Variants in AMOTL1 observed in about 807,000 individuals in gnomAD.
AMOTL1 encodes the protein angiomotin like 1, also known as angiomotin-like protein 1.
A neutral mutation model predicts 102.9 loss-of-function variants in AMOTL1; 45 were observed. That is an observed-to-expected ratio of 0.44 (90% CI 0.34 to 0.56). AMOTL1 has a LOEUF of 0.56. Ranked by LOEUF, AMOTL1 falls within the 20% of genes least tolerant of loss-of-function variation. The pLI is 0.01. For synonymous variants in AMOTL1, 481 were observed against 484.7 expected (o/e 0.99, Z 0.10); for missense variants, 1,114 against 1,225.6 (o/e 0.91, Z 1.36).
At position 94,850,119 on chromosome 11, in the gene AMOTL1, G is replaced by T; in HGVS notation, c.1654G>T (p.Glu552Ter). ...AEGHYASQNK[E>*]FLKEKEKLEM... ...TGTTCGTGTTTCCCTTCTAGACAAA[G>T]AATTCTTGAAGGAAAAGGAGAAATT... is the stretch of plus-strand genomic sequence containing the variant. The change falls in exon 7 of 13, where the codon GAA becomes TAA. Residue 552 changes from glutamate to a stop codon, truncating the protein, a stop_gained. Coordinates refer to ENST00000433060, the MANE Select transcript of AMOTL1 (RefSeq NM_130847.3). LOFTEE classifies it high-confidence loss of function. 6.3e-7 allele frequency: 1 copy of T among 1,578,942 alleles called. No individual in the cohort carries two copies. Among genetic ancestry groups the T allele is most frequent in the South Asian group, 1.2e-5 (1 of 85,918 alleles).
chr11:94,855,981 G>T (rs1379572223), intron 8 of AMOTL1, among the ~76,000 whole-genome samples: 1 of 152,224 alleles, frequency 6.6e-6, no homozygotes, highest in Admixed American at 6.5e-5. Context: ...GTGTATGGCT[G>T]ACATGAGACC....
At position 94,874,961 on chromosome 11, in the gene AMOTL1, C is replaced by G. The variant is rs1196215501; in HGVS notation, c.*4166C>G. The G allele has an allele frequency of 6.6e-6, 1 of 152,200 alleles. No homozygotes were observed. The highest frequency in any genetic ancestry group is 1.5e-5 in the Non-Finnish European group (1 of 68,044). The allele number at this position is 152,200 out of a possible 1,614,324, so 9.4% of individuals were successfully genotyped here. The stretch of plus-strand genomic sequence containing the variant: ...GTTCTCTGAATGATCTTGCACTCCT[C>G]TTAAGCAAAGGAGTACCATGACCAT... On this transcript the variant is annotated 3_prime_UTR_variant, in exon 13 of 13. Transcript: ENST00000433060.
At chr11:94,801,256 C>A (rs1280478307) in intron 3 of AMOTL1, among the ~76,000 whole-genome samples, 1 of 152,054 alleles carries the variant, frequency 6.6e-6, no homozygotes, top group African/African-American at 2.4e-5. Flanking sequence ...AGTGCCGTGT[C>A]TTCAGACAAA....
chr11:94,824,078 A>T (rs1951918949), intron 4 of AMOTL1, among the ~76,000 whole-genome samples: 1 of 152,138 alleles, frequency 6.6e-6, no homozygotes, highest in South Asian at 2.1e-4. Flanking sequence ...AAGTGGCTTA[A>T]TCTCCCAGTG....
intron 6 of AMOTL1, among the ~76,000 whole-genome samples, chr11:94,836,426 C>T (rs568548725): frequency 5.9e-5 from 9 of 152,234 alleles, no homozygotes; most frequent in East Asian, 1.9e-4. Flanking sequence ...ATTTGGGTGA[C>T]GCTCCACTAA....
chr11:94,862,469 T>A (rs1952793747), intron 9 of AMOTL1, among the ~76,000 whole-genome samples: 1 of 152,230 alleles, frequency 6.6e-6, no homozygotes, highest in Admixed American at 6.5e-5. Flanking sequence ...AATCAATGAT[T>A]TTTAAACAAA....
intron 6 of AMOTL1, among the ~76,000 whole-genome samples, chr11:94,843,201 G>A (rs1565377633): frequency 6.6e-6 from 1 of 152,230 alleles, no homozygotes; most frequent in Non-Finnish European, 1.5e-5. Context: ...TTGCTTTTCT[G>A]TTTGTGAATT....
At chr11:94,729,514 C>G (rs965684016) in intron 2 of AMOTL1, among the ~76,000 whole-genome samples, 19 of 152,146 alleles carry the variant, frequency 1.2e-4, no homozygotes, top group Non-Finnish European at 2.1e-4. Context: ...TCTTTCCCTT[C>G]TTTATGATTA....
chr11:94,771,429 G>A (rs1179788097), intron 1 of AMOTL1, among the ~76,000 whole-genome samples: 2 of 152,162 alleles, frequency 1.3e-5, no homozygotes, highest in Non-Finnish European at 1.5e-5. Flanking sequence ...GCAAGGGGTA[G>A]TGTGGAGGTC....
At chr11:94,787,593 C>T (rs1591964574) in intron 1 of AMOTL1, among the ~76,000 whole-genome samples, 1 of 145,852 alleles carries the variant, frequency 6.9e-6, no homozygotes, top group East Asian at 2.1e-4. Flanking sequence ...GAGGCTGAGG[C>T]AGGAGAATGG....
At chr11:94,735,006 AG>A (rs770234689) in intron 2 of AMOTL1, among the ~76,000 whole-genome samples, 9 of 152,224 alleles carry the variant, frequency 5.9e-5, no homozygotes, top group Non-Finnish European at 1.0e-4. Flanking sequence ...TGTGGCATTT[AG>A]CCCCTCACCC....
chr11:94,740,820 A>G, intron 2 of AMOTL1: 1 of 788,124 alleles, frequency 1.3e-6, no homozygotes, highest in South Asian at 1.4e-5. Context: ...AGGGATTCTG[A>G]GCGCTGGGAG....
At chr11:94,822,631 G>A (rs1279906250) in intron 4 of AMOTL1, among the ~76,000 whole-genome samples, 2 of 152,144 alleles carry the variant, frequency 1.3e-5, no homozygotes, top group East Asian at 3.9e-4. Flanking sequence ...CTTATCAGGT[G>A]GGGAGATGCT....
rs1427951633 is a variant in AMOTL1 at position 94,768,438 on chromosome 11, T to C, written c.-74T>C. 2.1e-5 allele frequency: 33 copies of C among 1,545,648 alleles called. No individual in the cohort carries two copies. In the African/African-American group the frequency reaches 4.2e-4, roughly 20 times the overall value. On this transcript the variant is annotated 5_prime_UTR_variant, in exon 1 of 13. Coordinates refer to ENST00000433060, the MANE Select transcript of AMOTL1 (RefSeq NM_130847.3). The stretch of plus-strand genomic sequence containing the variant: ...AGCCCTGTGTGAATGGGGTTGATTG[T>C]CCGGCGCCACTTCCCCGCGCTGCCC...
intron 3 of AMOTL1, among the ~76,000 whole-genome samples, chr11:94,814,284 A>G (rs980325693): frequency 1.3e-5 from 2 of 152,226 alleles, no homozygotes; most frequent in African/African-American, 2.4e-5. Flanking sequence ...AGGTTTGCCA[A>G]GCTTAAGGGA....
chr11:94,774,060 C>A (rs1427400608), intron 1 of AMOTL1, among the ~76,000 whole-genome samples: 1 of 152,184 alleles, frequency 6.6e-6, no homozygotes, highest in Non-Finnish European at 1.5e-5. Flanking sequence ...GCGCACAATG[C>A]TGGGCACGTT....
At chr11:94,746,595 T>C (rs1377758191) in intron 3 of AMOTL1, among the ~76,000 whole-genome samples, 4 of 152,194 alleles carry the variant, frequency 2.6e-5, no homozygotes, top group African/African-American at 4.8e-5. Context: ...CTTGCTCCTA[T>C]CTAGCCTTCA....
At chr11:94,800,544 G>T (rs1951458082) in intron 3 of AMOTL1, among the ~76,000 whole-genome samples, 1 of 152,174 alleles carries the variant, frequency 6.6e-6, no homozygotes, top group African/African-American at 2.4e-5. Flanking sequence ...TGAGTTTAGG[G>T]GAGGGACCTC....
At position 94,865,821 on chromosome 11, in the gene AMOTL1, A is replaced by G. The variant is rs113172173; in HGVS notation, c.2262-121A>G. On this transcript the variant is annotated intron_variant, in intron 10 of 12. Transcript: ENST00000433060. ...AGATTATCAACATTTGAAGACTCGT[A>G]CTGTGCTTCATCCTGTATCCCTAAA... The G allele has an allele frequency of 1.5e-3, 1,242 of 812,448 alleles. 18 individuals carry two copies. The African/African-American group carries it at 0.019, about 13-fold the overall frequency. The allele number at this position is 812,448 out of a possible 1,614,324, so 50.3% of individuals were successfully genotyped here.
Sources: gnomAD v4.1 joint callset for allele counts (sites outside exome capture counted in the v4.1 genomes callset) on GRCh38, gnomAD v4.1.1 for gene constraint, MANE v1.5 for transcripts, NCBI Gene and HGNC (gene_info 2026-07-23, HGNC 2026-07-21) for gene names.